Variants in ELFN1 observed in about 807,000 individuals in gnomAD.
ELFN1 encodes the protein extracellular leucine rich repeat and fibronectin type III domain containing 1.
Under a neutral mutation model 7.6 loss-of-function variants are expected in ELFN1, and 6 were observed. The ratio of observed to expected loss-of-function variants is 0.79; its 90% CI spans 0.43 to 1.56. The LOEUF is 1.56. ELFN1 is among the 40% of genes most tolerant of loss of function. The pLI, the probability that ELFN1 is intolerant of heterozygous loss-of-function variation, is 0.01. For synonymous variants in ELFN1, 657 were observed against 588.1 expected (o/e 1.12, Z -1.70); for missense variants, 1,169 against 1,232.2 (o/e 0.95, Z 0.77).
intron 3 of ELFN1, among the ~76,000 whole-genome samples, chr7:1,741,967 T>TAC (rs796598680): frequency 4.6e-5 from 7 of 151,914 alleles, no homozygotes; most frequent in African/African-American, 7.2e-5. Flanking sequence ...CACACATCTG[T>TAC]ACACACACAC....
At chr7:1,726,185 C>T (rs964184123) in intron 3 of ELFN1, among the ~76,000 whole-genome samples, 20 of 152,174 alleles carry the variant, frequency 1.3e-4, no homozygotes, top group African/African-American at 4.6e-4. Flanking sequence ...GGTCCTGACC[C>T]CTCCTTGCCC....
chr7:1,702,395 C>T (rs183177861), intron 2 of ELFN1, among the ~76,000 whole-genome samples: 48 of 151,592 alleles, frequency 3.2e-4, no homozygotes, highest in Admixed American at 7.9e-4. Context: ...TGCACTCCAT[C>T]CTGGGCGACA....
At chr7:1,743,935 C>T (rs1025140957) in intron 3 of ELFN1, among the ~76,000 whole-genome samples, 9 of 152,186 alleles carry the variant, frequency 5.9e-5, no homozygotes, top group South Asian at 2.1e-4. Flanking sequence ...CTTATCCGAC[C>T]GGGGTTGCGC....
chr7:1,702,242 G>A (rs1428218284), intron 2 of ELFN1, among the ~76,000 whole-genome samples: 1 of 152,102 alleles, frequency 6.6e-6, no homozygotes, highest in African/African-American at 2.4e-5. Flanking sequence ...GGCTAACACG[G>A]TGAAACTCCG....
chr7:1,707,864 G>A (rs1210464872), intron 2 of ELFN1, among the ~76,000 whole-genome samples: 2 of 151,982 alleles, frequency 1.3e-5, no homozygotes, highest in Admixed American at 6.6e-5. Flanking sequence ...GTTCCTGTTC[G>A]CCTTCTAGCA....
intron 3 of ELFN1, among the ~76,000 whole-genome samples, chr7:1,713,882 GCTC>G (rs895442028): frequency 6.6e-6 from 1 of 152,054 alleles, no homozygotes; most frequent in African/African-American, 2.4e-5. Flanking sequence ...CGCACGCCCG[GCTC>G]CCCTCCCCCA....
rs1256927086 is a variant in ELFN1 at position 1,705,876 on chromosome 7, C to T, written c.-455-3215C>T. ...CAGGGTGGGTTCTTAGCTTTGACCC[C>T]TCCAGCCCAGTGGTCTCTGAGGTTC... On this transcript the variant is annotated intron_variant, in intron 2 of 3. Transcript: ENST00000424383. The surrounding 1 kb of genome is among the most constrained non-coding windows in gnomAD (Gnocchi z 4.3). 6.6e-6 allele frequency among the ~76,000 whole-genome samples: 1 copy of T among 152,324 alleles called. No homozygotes were observed. Among genetic ancestry groups the T allele is most frequent in the East Asian group, 1.9e-4 (1 of 5,188 alleles).
chr7:1,671,884 G>A (rs1778774701), intron 1 of ELFN1, among the ~76,000 whole-genome samples: 1 of 152,228 alleles, frequency 6.6e-6, no homozygotes, highest in African/African-American at 2.4e-5. Flanking sequence ...ATTTGAGGGG[G>A]TTTGGAGCCC....
intron 2 of ELFN1, among the ~76,000 whole-genome samples, chr7:1,697,047 C>T (rs1052055181): frequency 5.3e-5 from 8 of 152,212 alleles, no homozygotes; most frequent in South Asian, 2.1e-4. Context: ...CAAGGCCCAG[C>T]GCCCCTCACT....
rs1779598511 is a variant in ELFN1, at chr7:1,709,134, C to T, written c.-412C>T. The T allele has an allele frequency of 6.6e-6, 1 of 152,284 alleles. No homozygotes were observed. Among genetic ancestry groups the T allele is most frequent in the East Asian group, 1.9e-4 (1 of 5,192 alleles). The allele number at this position is 152,284 out of a possible 1,614,324, so 9.4% of individuals were successfully genotyped here. ...CCATTTGTCCTACAGTTTGTCCGGA[C>T]CCAGGCTGTCCTTCTGTGTGCTGGA... On this transcript the variant is annotated 5_prime_UTR_variant, in exon 3 of 4. Coordinates refer to ENST00000424383, the MANE Select transcript of ELFN1 (RefSeq NM_001128636.4).
At chr7:1,677,911 C>T (rs1199187939) in intron 1 of ELFN1, among the ~76,000 whole-genome samples, 2 of 152,012 alleles carry the variant, frequency 1.3e-5, no homozygotes, top group African/African-American at 4.8e-5. Flanking sequence ...GGAGGGACGT[C>T]AGGAAGAGAG....
intron 3 of ELFN1, among the ~76,000 whole-genome samples, chr7:1,715,711 AACTT>A (rs1400996878): frequency 1.3e-5 from 2 of 152,088 alleles, no homozygotes; most frequent in Admixed American, 6.5e-5. Flanking sequence ...TGACTCCTGT[AACTT>A]AATTAGCAGA....
At chr7:1,696,722 G>T (rs1779321891) in intron 2 of ELFN1, among the ~76,000 whole-genome samples, 1 of 152,070 alleles carries the variant, frequency 6.6e-6, no homozygotes, top group African/African-American at 2.4e-5. Context: ...CCTTGTAAAG[G>T]CTCTAATCCC....
intron 1 of ELFN1, among the ~76,000 whole-genome samples, chr7:1,687,213 A>G (rs755398954): frequency 6.6e-6 from 1 of 152,180 alleles, no homozygotes; most frequent in Non-Finnish European, 1.5e-5. Context: ...TTTTTCATGA[A>G]TGAAGGCCTT....
At chr7:1,678,042 C>A (rs10264791) in intron 1 of ELFN1, among the ~76,000 whole-genome samples, 2,249 of 152,234 alleles carry the variant, frequency 0.015, 56 homozygotes, top group African/African-American at 0.051. Context: ...CCAGAGACAG[C>A]TTTTCAGAGA....
At chr7:1,696,082 G>T (rs1040592489) in intron 2 of ELFN1, among the ~76,000 whole-genome samples, 20 of 152,146 alleles carry the variant, frequency 1.3e-4, no homozygotes, top group Non-Finnish European at 2.1e-4. Context: ...TCTGGGATCG[G>T]GTGCCAGCGG....
intron 1 of ELFN1, among the ~76,000 whole-genome samples, chr7:1,683,148 CA>C (rs2128577407): frequency 6.7e-6 from 1 of 150,186 alleles, no homozygotes; most frequent in South Asian, 2.1e-4. Flanking sequence ...ATATTGCTCT[CA>C]CAGAATAAGT....
chr7:1,730,588 T>C (rs745630484), intron 3 of ELFN1, among the ~76,000 whole-genome samples: 4 of 152,254 alleles, frequency 2.6e-5, no homozygotes, highest in South Asian at 4.1e-4. Context: ...GGAATGCACA[T>C]TCATAATGAC....
At chr7:1,728,747 A>G (rs1235753743) in intron 3 of ELFN1, among the ~76,000 whole-genome samples, 1 of 152,230 alleles carries the variant, frequency 6.6e-6, no homozygotes, top group Non-Finnish European at 1.5e-5. Context: ...AGGCTGGGAA[A>G]GACCCAGAGT....
Sources: gnomAD v4.1 joint callset for allele counts (sites outside exome capture counted in the v4.1 genomes callset) on GRCh38, gnomAD v4.1.1 for gene constraint, Gnocchi (gnomAD v3.1) non-coding constraint, MANE v1.5 for transcripts, NCBI Gene and HGNC (gene_info 2026-07-23, HGNC 2026-07-21) for gene names.